TP63: variants seen among roughly 807,000 people sequenced by gnomAD.
TP63 encodes the protein tumor protein p63.
Under a neutral mutation model 82.8 loss-of-function variants are expected in TP63, and 17 were observed. The observed-to-expected ratio is 0.21, with a 90% CI of 0.14 to 0.31. The LOEUF is 0.31. Among genes scored for constraint, TP63 ranks in the 10% least tolerant of loss-of-function variants. The pLI is 1.00. For missense variants in TP63, 648 were observed against 895.3 expected (o/e 0.72, Z 3.52); for synonymous variants, 330 against 321.7 (o/e 1.03, Z -0.28).
intron 4 of TP63, among the ~76,000 whole-genome samples, chr3:189,840,188 A>G (rs963894274): frequency 9.2e-5 from 14 of 152,062 alleles, no homozygotes; most frequent in African/African-American, 3.4e-4. Flanking sequence ...GTGTATACGT[A>G]CGGGTGGTAA....
chr3:189,730,280 A>G (rs571385277), intron 1 of TP63, among the ~76,000 whole-genome samples: 49 of 152,236 alleles, frequency 3.2e-4, no homozygotes, highest in Non-Finnish European at 4.7e-4. Flanking sequence ...TTCTGGCAAC[A>G]TTGAGAATCT....
In TP63 at chr3:189,894,283, C is replaced by A. The variant is rs755722537; in HGVS notation, c.1824C>A (p.His608Gln). The A allele has an allele frequency of 1.2e-6, 2 of 1,613,990 alleles. No homozygotes were observed. Among genetic ancestry groups the A allele is most frequent in the Non-Finnish European group, 1.7e-6 (2 of 1,180,022 alleles). ...WKGILDHRQL[H>Q]EFSSPSHLLR... ...GCATCCTGGACCACCGGCAGCTCCA[C>A]GAATTCTCCTCCCCTTCTCATCTCC... Residue 608 changes from histidine to glutamine, a missense_variant, in exon 14 of 14, where the codon CAC becomes CAA. Transcript: ENST00000264731.
intron 3 of TP63, among the ~76,000 whole-genome samples, chr3:189,783,782 T>A (rs149322115): frequency 9.6e-4 from 146 of 152,042 alleles, no homozygotes; most frequent in African/African-American, 3.1e-3. Flanking sequence ...AATATTTTTT[T>A]CATTTATAAA....
At chr3:189,728,090 G>T (rs951216034) in intron 1 of TP63, among the ~76,000 whole-genome samples, 2 of 151,838 alleles carry the variant, frequency 1.3e-5, no homozygotes, top group African/African-American at 2.4e-5. Context: ...TTTGCCTAAG[G>T]ATCCAGGATG....
intron 4 of TP63, among the ~76,000 whole-genome samples, chr3:189,845,236 G>T (rs1444752812): frequency 6.6e-6 from 1 of 152,134 alleles, no homozygotes; most frequent in Admixed American, 6.5e-5. Flanking sequence ...TAAGTTTTTT[G>T]AACTAGAAGC....
At chr3:189,653,554 G>A (rs1156719749) in intron 1 of TP63, among the ~76,000 whole-genome samples, 1 of 152,138 alleles carries the variant, frequency 6.6e-6, no homozygotes, top group Non-Finnish European at 1.5e-5. Context: ...TTTCTACTAA[G>A]TAGACTTATC....
At chr3:189,825,701 G>C (rs1256076912) in intron 4 of TP63, among the ~76,000 whole-genome samples, 3 of 152,170 alleles carry the variant, frequency 2.0e-5, no homozygotes, top group African/African-American at 7.2e-5. Flanking sequence ...AATAGGAAAT[G>C]CCTTTTAGGA....
chr3:189,678,838 A>T (rs1279145146), intron 1 of TP63, among the ~76,000 whole-genome samples: 1 of 152,032 alleles, frequency 6.6e-6, no homozygotes, highest in Non-Finnish European at 1.5e-5. Context: ...GGTTAAATGT[A>T]TTCCTCAATA....
At chr3:189,658,664 A>C (rs1275497557) in intron 1 of TP63, among the ~76,000 whole-genome samples, 1 of 152,120 alleles carries the variant, frequency 6.6e-6, no homozygotes, top group Non-Finnish European at 1.5e-5. Flanking sequence ...ATGTGTGACT[A>C]GTGCTCCTCA....
At chr3:189,808,560 C>G in intron 4 of TP63, 34 bp downstream of exon 4, 2 of 1,611,122 alleles carry the variant, frequency 1.2e-6, no homozygotes, top group Non-Finnish European at 1.7e-6. Flanking sequence ...ACCTGACCCC[C>G]CAAGTCCAAG....
intron 1 of TP63, among the ~76,000 whole-genome samples, chr3:189,725,731 T>C (rs1288918793): frequency 6.6e-6 from 1 of 152,180 alleles, no homozygotes. Context: ...GATTCTTCAG[T>C]GCAACACATA....
At chr3:189,805,697 T>C (rs1306507335) in intron 3 of TP63, among the ~76,000 whole-genome samples, 3 of 152,122 alleles carry the variant, frequency 2.0e-5, no homozygotes, top group African/African-American at 4.8e-5. Context: ...CATGGCTTAT[T>C]TTGAGGTCCT....
chr3:189,853,307 G>A (rs1481942175), intron 4 of TP63, among the ~76,000 whole-genome samples: 2 of 152,258 alleles, frequency 1.3e-5, no homozygotes, highest in East Asian at 1.9e-4. Context: ...TATCTCACAC[G>A]AAAAAAGCTC....
chr3:189,725,411 G>C (rs1719699664), intron 1 of TP63, among the ~76,000 whole-genome samples: 1 of 152,046 alleles, frequency 6.6e-6, no homozygotes, highest in Non-Finnish European at 1.5e-5. Flanking sequence ...ATATATAAAA[G>C]GAAATTGTTC....
intron 1 of TP63, among the ~76,000 whole-genome samples, chr3:189,639,181 AGATAAAATACTGTAATTAC>A (rs898359545): frequency 4.6e-5 from 7 of 152,192 alleles, no homozygotes; most frequent in African/African-American, 1.7e-4. Flanking sequence ...AGTGATGGGT[AGATAAAATACTGTAATTAC>A]GATCAAAGTG....
At chr3:189,860,328 C>G (rs995382033) in intron 4 of TP63, among the ~76,000 whole-genome samples, 2 of 152,096 alleles carry the variant, frequency 1.3e-5, no homozygotes, top group African/African-American at 4.8e-5. Context: ...TGCTGTAAAT[C>G]AGATTCCCAT....
At chr3:189,759,027 C>T (rs1361769884) in intron 3 of TP63, among the ~76,000 whole-genome samples, 1 of 152,132 alleles carries the variant, frequency 6.6e-6, no homozygotes, top group African/African-American at 2.4e-5. Flanking sequence ...ATTCCCTTTG[C>T]CAGTCTAATG....
At chr3:189,751,267 C>T (rs1721802905) in intron 3 of TP63, among the ~76,000 whole-genome samples, 1 of 152,130 alleles carries the variant, frequency 6.6e-6, no homozygotes, top group Admixed American at 6.5e-5. Flanking sequence ...GTGAATAGTG[C>T]CGCAATAAAC....
chr3:189,597,753 C>T, the TP63 span, among the ~76,000 whole-genome samples: 72 of 151,958 alleles, frequency 4.7e-4, 1 homozygote, highest in South Asian at 7.7e-3. Flanking sequence ...GGTGAAACCC[C>T]GTCTATACTA....
Sources: gnomAD v4.1 joint callset for allele counts (sites outside exome capture counted in the v4.1 genomes callset) on GRCh38, gnomAD v4.1.1 for gene constraint, MANE v1.5 for transcripts, NCBI Gene and HGNC (gene_info 2026-07-23, HGNC 2026-07-21) for gene names.